The following TRAM2 variants were observed in gnomAD, a reference collection of about 807,000 sequenced individuals.
TRAM2 encodes translocating chain-associated membrane protein 2.
Under a neutral mutation model 51.0 loss-of-function variants are expected in TRAM2, and 12 were observed. The observed-to-expected ratio is 0.24, with a 90% CI of 0.15 to 0.38. TRAM2 has a LOEUF of 0.38. TRAM2 is among the 10% of genes least tolerant of loss of function. TRAM2 has a pLI of 1.00. For missense variants in TRAM2, 361 were observed against 462.0 expected, an observed-to-expected ratio of 0.78 and a Z score of 2.00; for synonymous variants, 175 against 179.4, an observed-to-expected ratio of 0.98 and a Z score of 0.20.
chr6:52,574,533 A>T (rs1767732231), intron 1 of TRAM2, among the ~76,000 whole-genome samples: 1 of 152,118 alleles, frequency 6.6e-6, no homozygotes, highest in Non-Finnish European at 1.5e-5. Flanking sequence ...AGAAGGAGAC[A>T]CCTGCCCTGT....
At chr6:52,570,649 C>T (rs1767660932) in intron 1 of TRAM2, among the ~76,000 whole-genome samples, 1 of 152,074 alleles carries the variant, frequency 6.6e-6, no homozygotes, top group African/African-American at 2.4e-5. Flanking sequence ...ATGTAAAGTG[C>T]TGCCAGCCCC....
At chr6:52,555,766 A>G (rs113081698) in intron 1 of TRAM2, among the ~76,000 whole-genome samples, 25 of 152,294 alleles carry the variant, frequency 1.6e-4, no homozygotes, top group African/African-American at 5.5e-4. Context: ...TGGATATACT[A>G]TTGAGTGGGA....
intron 1 of TRAM2, among the ~76,000 whole-genome samples, chr6:52,549,890 G>C (rs992825420): frequency 3.3e-5 from 5 of 152,148 alleles, no homozygotes; most frequent in African/African-American, 1.2e-4. Flanking sequence ...ATTACAATCA[G>C]GAAACGTCTG....
chr6:52,567,774 C>T (rs181909491), intron 1 of TRAM2, among the ~76,000 whole-genome samples: 6 of 152,338 alleles, frequency 3.9e-5, no homozygotes, highest in Admixed American at 6.5e-5. Context: ...TCTCCTTCTC[C>T]ACCATGGGTT....
intron 1 of TRAM2, among the ~76,000 whole-genome samples, chr6:52,551,266 G>A (rs1581697260): frequency 6.6e-6 from 1 of 152,150 alleles, no homozygotes; most frequent in East Asian, 1.9e-4. Context: ...CGTTATGAAT[G>A]GGGACTGGCT....
At chr6:52,538,160 A>G (rs1279571300) in intron 1 of TRAM2, among the ~76,000 whole-genome samples, 1 of 152,234 alleles carries the variant, frequency 6.6e-6, no homozygotes, top group African/African-American at 2.4e-5. Context: ...AAATGAGAGA[A>G]AGGAGGAGCC....
chr6:52,546,931 G>C (rs1767213272), intron 1 of TRAM2, among the ~76,000 whole-genome samples: 1 of 152,218 alleles, frequency 6.6e-6, no homozygotes, highest in African/African-American at 2.4e-5. Context: ...TTGGCACATA[G>C]TGGGGATTAA....
At chr6:52,519,345 A>G (rs1766620374) in intron 2 of TRAM2, among the ~76,000 whole-genome samples, 1 of 152,268 alleles carries the variant, frequency 6.6e-6, no homozygotes, top group Non-Finnish European at 1.5e-5. Context: ...CAAAGAAGAA[A>G]TACAAATGGC....
At chr6:52,549,756 A>T (rs1200802072) in intron 1 of TRAM2, among the ~76,000 whole-genome samples, 1 of 152,226 alleles carries the variant, frequency 6.6e-6, no homozygotes, top group Non-Finnish European at 1.5e-5. Context: ...TATCTGAACC[A>T]GCCAAAAGAT....
At chr6:52,575,680 T>G (rs1767751347) in intron 1 of TRAM2, among the ~76,000 whole-genome samples, 1 of 151,970 alleles carries the variant, frequency 6.6e-6, no homozygotes, top group Non-Finnish European at 1.5e-5. Flanking sequence ...CCATCCTCCA[T>G]CTCCAAGGAA....
At chr6:52,560,798 A>C (rs1767485730) in intron 1 of TRAM2, among the ~76,000 whole-genome samples, 1 of 152,128 alleles carries the variant, frequency 6.6e-6, no homozygotes. Flanking sequence ...CTGAGCTATC[A>C]CTCTCAGATC....
chr6:52,510,774 G>A (rs556425783), intron 4 of TRAM2, among the ~76,000 whole-genome samples: 1 of 152,326 alleles, frequency 6.6e-6, no homozygotes, highest in East Asian at 1.9e-4. Flanking sequence ...AATTAATAGT[G>A]TGGTGGGCCA....
chr6:52,554,922 G>A (rs907778282), intron 1 of TRAM2, among the ~76,000 whole-genome samples: 9 of 151,834 alleles, frequency 5.9e-5, no homozygotes, highest in African/African-American at 1.7e-4. Context: ...CCACCATGCC[G>A]AGGCTGGTCT....
chr6:52,524,183 T>G (rs1409332928), intron 2 of TRAM2: 1 of 152,206 alleles, frequency 6.6e-6, no homozygotes, highest in Non-Finnish European at 1.5e-5. Flanking sequence ...TATCTTGATC[T>G]AGGCTAGAGC....
intron 5 of TRAM2, 104 bp downstream of exon 5, chr6:52,509,424 C>T (rs975289593): frequency 2.5e-5 from 28 of 1,116,432 alleles, no homozygotes; most frequent in South Asian, 1.4e-4. Context: ...ATGATCTGCT[C>T]GTCAGGCCAG....
chr6:52,523,189 G>A (rs886583942), intron 2 of TRAM2: 4 of 363,882 alleles, frequency 1.1e-5, no homozygotes, highest in African/African-American at 2.1e-5. Flanking sequence ...CTCTGTTTTC[G>A]TATTATTTTG....
intron 1 of TRAM2, among the ~76,000 whole-genome samples, chr6:52,575,058 A>G (rs1484363188): frequency 6.6e-6 from 1 of 152,330 alleles, no homozygotes; most frequent in East Asian, 1.9e-4. Flanking sequence ...ACAGCAGAGA[A>G]TGCGCTGGGC....
chr6:52,542,718 T>C (rs551193786), intron 1 of TRAM2, among the ~76,000 whole-genome samples: 2 of 152,336 alleles, frequency 1.3e-5, no homozygotes, highest in South Asian at 2.1e-4. Context: ...AAAAGTGACA[T>C]TGTGTATTTA....
At chr6:52,574,606 G>T (rs1562492108) in intron 1 of TRAM2, among the ~76,000 whole-genome samples, 3 of 152,222 alleles carry the variant, frequency 2.0e-5, no homozygotes, top group African/African-American at 7.2e-5. Flanking sequence ...AAGGGGGCCT[G>T]TAGGCATTTC....
Sources: gnomAD v4.1 joint callset for allele counts (sites outside exome capture counted in the v4.1 genomes callset) on GRCh38, gnomAD v4.1.1 for gene constraint, MANE v1.5 for transcripts, NCBI Gene and HGNC (gene_info 2026-07-23, HGNC 2026-07-21) for gene names.